Variants in AGAP1 observed in about 807,000 individuals in gnomAD.
The protein encoded by AGAP1 is arf-GAP with GTPase, ANK repeat and PH domain-containing protein 1.
In AGAP1, 29 loss-of-function variants were observed where a neutral mutation model predicts 105.3. The observed-to-expected ratio is 0.28, with a 90% confidence interval of 0.21 to 0.38. The LOEUF (loss-of-function observed/expected upper bound fraction) is 0.38, where lower values mean the gene tolerates loss of function less well. Among genes scored for constraint, AGAP1 ranks in the 10% least tolerant of loss-of-function variants. The pLI, the probability that AGAP1 is intolerant of heterozygous loss-of-function variation, is 1.00. For synonymous variants in AGAP1, 509 were observed against 485.9 expected (o/e 1.05, Z -0.63); for missense variants, 998 against 1,165.1 (o/e 0.86, Z 2.09).
chr2:235,853,160 A>G (rs2048550964), intron 9 of AGAP1: 3 of 1,133,172 alleles, frequency 2.6e-6, no homozygotes, highest in Non-Finnish European at 2.2e-6. Context: ...TGTTTTGGGT[A>G]CAAGCAGTGG....
intron 6 of AGAP1, among the ~76,000 whole-genome samples, chr2:235,764,439 C>G (rs372672198): frequency 6.6e-6 from 1 of 152,258 alleles, no homozygotes; most frequent in South Asian, 2.1e-4. Context: ...TCACGTAGAT[C>G]CATGTTTCCC....
chr2:235,943,971 A>G (rs751265874), intron 12 of AGAP1, among the ~76,000 whole-genome samples: 3 of 152,248 alleles, frequency 2.0e-5, no homozygotes, highest in Non-Finnish European at 4.4e-5. Context: ...ATACAATGAT[A>G]CTAAAAATTT....
rs10175162 is a variant in AGAP1, at chr2:235,930,237, G to T, written c.1325-528G>T. Among the ~76,000 whole-genome samples the T allele has an allele frequency of 0.013, 1,970 of 152,296 alleles. 53 individuals carry two copies. The highest frequency in any genetic ancestry group is 0.045 in the African/African-American group (1,881 of 41,566). On this transcript the variant is annotated intron_variant, in intron 11 of 17. Transcript: ENST00000304032. The surrounding 1 kb of genome is among the most constrained non-coding windows in gnomAD (Gnocchi z 7.9). ...AAGAGTAAACTTATCTGGTTGAAGA[G>T]CCTGCATTTCCTCCGTGTCGTGTCT...
In AGAP1 at chr2:235,741,561, G is replaced by T. The variant is rs1274491596; in HGVS notation, c.396+513G>T. 6.6e-6 allele frequency among the ~76,000 whole-genome samples: 1 copy of T among 152,142 alleles called. No homozygotes were observed. Among genetic ancestry groups the T allele is most frequent in the Non-Finnish European group, 1.5e-5 (1 of 68,022 alleles). On this transcript the variant is annotated intron_variant, in intron 4 of 17. Transcript: ENST00000304032. The surrounding 1 kb of genome is among the most constrained non-coding windows in gnomAD (Gnocchi z 4.9). The stretch of plus-strand genomic sequence containing the variant: ...CGAAAGCCGGTATGAAGCATATTAT[G>T]ATTTCTTTGGAAGTTCCTGGAAAGA...
Position 235,843,222 on chromosome 2 carries a change from G to GA in AGAP1, c.1050+35892dup, listed in dbSNP as rs34918207. Among the ~76,000 whole-genome samples the GA allele has an allele frequency of 0.47, 71,242 of 151,900 alleles. 19,211 individuals are homozygous for GA. The highest frequency in any genetic ancestry group is 0.8 in the East Asian group (4,118 of 5,130). ...AACCCATCACCAGCCCTCCTTCTTA[G>GA]AGAGTGGTCTTCGGGAGGACCTGAG... On this transcript the variant is annotated intron_variant, in intron 9 of 17. Coordinates refer to ENST00000304032, the MANE Select transcript of AGAP1 (RefSeq NM_001037131.3). The surrounding 1 kb of genome is among the most constrained non-coding windows in gnomAD (Gnocchi z 5.9).
At position 235,983,370 on chromosome 2, in the gene AGAP1, A is replaced by T. The variant is rs1402620244; in HGVS notation, c.1645+14747A>T. ...TCCTCTCCAGCACCAACCTCCCATC[A>T]CTTTCTACATTCTGGCCCCTTTTTC... On this transcript the variant is annotated intron_variant, in intron 13 of 17. Transcript: ENST00000304032. This position sits in a 1 kb window ranked among gnomAD's most constrained non-coding sequence, Gnocchi z 4.5. 6.6e-6 allele frequency among the ~76,000 whole-genome samples: 1 copy of T among 152,082 alleles called. No homozygotes were observed. Among genetic ancestry groups the T allele is most frequent in the African/African-American group, 2.4e-5 (1 of 41,426 alleles).
chr2:235,616,765 T>G (rs1946319619), intron 1 of AGAP1, among the ~76,000 whole-genome samples: 1 of 152,224 alleles, frequency 6.6e-6, no homozygotes, highest in Non-Finnish European at 1.5e-5. Flanking sequence ...CCTGAACAGA[T>G]TTAAAAACAA....
In AGAP1 at chr2:236,040,067, C is replaced by T. The variant is rs1249774782; in HGVS notation, c.1801-684C>T. 6.6e-6 allele frequency among the ~76,000 whole-genome samples: 1 copy of T among 152,020 alleles called. No individual in the cohort carries two copies. The highest frequency in any genetic ancestry group is 2.4e-5 in the African/African-American group (1 of 41,380). ...TCAAGGCTGCAGTGAGCTATGATCA[C>T]ACCACTGCACCCCAGCCTCAGCCAC... is the stretch of plus-strand genomic sequence containing the variant. On this transcript the variant is annotated intron_variant, in intron 14 of 17. Transcript: ENST00000304032. This position sits in a 1 kb window ranked among gnomAD's most constrained non-coding sequence, Gnocchi z 5.6.
At chr2:235,567,976 A>G (rs775449055) in intron 1 of AGAP1, among the ~76,000 whole-genome samples, 13 of 152,170 alleles carry the variant, frequency 8.5e-5, no homozygotes, top group Non-Finnish European at 1.8e-4. Flanking sequence ...TGGAGCCAGC[A>G]TCCTTGCTGG....
Position 235,609,648 on chromosome 2 carries a change from C to T in AGAP1, c.164-99531C>T, listed in dbSNP as rs991690635. The stretch of plus-strand genomic sequence containing the variant: ...TGCCTGTCTCAGTGCTCTGGGGTCC[C>T]GTGCTGAGGGAGCATCCTTATGGTA... On this transcript the variant is annotated intron_variant, in intron 1 of 17. Coordinates refer to ENST00000304032, the MANE Select transcript of AGAP1 (RefSeq NM_001037131.3). This position sits in a 1 kb window ranked among gnomAD's most constrained non-coding sequence, Gnocchi z 5.1. Among the ~76,000 whole-genome samples the T allele has an allele frequency of 6.6e-5, 10 of 152,182 alleles. No homozygotes were observed. In the South Asian group the frequency reaches 1.0e-3, roughly 16 times the overall value.
At chr2:235,540,116 C>T (rs560394075) in intron 1 of AGAP1, among the ~76,000 whole-genome samples, 6 of 149,958 alleles carry the variant, frequency 4.0e-5, no homozygotes, top group South Asian at 4.3e-4. Flanking sequence ...CCTCTCAATC[C>T]GTTTGTTTTT....
chr2:235,938,444 A>G (rs1217553673), intron 12 of AGAP1, among the ~76,000 whole-genome samples: 1 of 152,232 alleles, frequency 6.6e-6, no homozygotes, highest in Admixed American at 6.5e-5. Flanking sequence ...TGAGGCCATC[A>G]GATGTGTGGA....
At chr2:235,523,160 C>G (rs1942691097) in intron 1 of AGAP1, among the ~76,000 whole-genome samples, 2 of 152,180 alleles carry the variant, frequency 1.3e-5, no homozygotes, top group African/African-American at 4.8e-5. Context: ...TGGTCTCTTC[C>G]TCTTCCTGTA....
chr2:235,911,810 G>A (rs1045330856), intron 11 of AGAP1, among the ~76,000 whole-genome samples: 5 of 152,184 alleles, frequency 3.3e-5, no homozygotes, highest in Non-Finnish European at 5.9e-5. Context: ...GGACATCTCC[G>A]CAACCCTCAA....
rs968505570 is a variant in AGAP1 at position 235,908,441 on chromosome 2, C to T, written c.1156-297C>T. 6.6e-6 allele frequency among the ~76,000 whole-genome samples: 1 copy of T among 152,136 alleles called. No homozygotes were observed. Among genetic ancestry groups the T allele is most frequent in the African/African-American group, 2.4e-5 (1 of 41,450 alleles). On this transcript the variant is annotated intron_variant, in intron 10 of 17. Coordinates refer to ENST00000304032, the MANE Select transcript of AGAP1 (RefSeq NM_001037131.3). The surrounding 1 kb of genome is among the most constrained non-coding windows in gnomAD (Gnocchi z 4.4). ...TCTGATAAGCAAGAGTTCAAAAAAT[C>T]AGATTTTGTGTGTAGACTTACTTCC...
At chr2:235,703,539 C>A (rs1337556754) in intron 1 of AGAP1, among the ~76,000 whole-genome samples, 3 of 150,654 alleles carry the variant, frequency 2.0e-5, no homozygotes, top group African/African-American at 7.3e-5. Context: ...AAGAATTGCT[C>A]CCCTCTTCTC....
Position 235,705,519 on chromosome 2 carries a change from G to A in AGAP1, c.164-3660G>A, listed in dbSNP as rs573969914. Among the ~76,000 whole-genome samples the A allele has an allele frequency of 3.3e-5, 5 of 152,284 alleles. No homozygotes were observed. The highest frequency in any genetic ancestry group is 3.9e-4 in the East Asian group (2 of 5,180). ...CCTACTGAGTGATGAACAATTCCAC[G>A]CCAGCACAGTGTCCAGCCCACAGAT... On this transcript the variant is annotated intron_variant, in intron 1 of 17. Coordinates refer to ENST00000304032, the MANE Select transcript of AGAP1 (RefSeq NM_001037131.3). The surrounding 1 kb of genome is among the most constrained non-coding windows in gnomAD (Gnocchi z 4.9).
chr2:235,628,618 C>T (rs1268593000), intron 1 of AGAP1, among the ~76,000 whole-genome samples: 1 of 151,810 alleles, frequency 6.6e-6, no homozygotes, highest in Admixed American at 6.6e-5. Flanking sequence ...GAGCCATTGC[C>T]CACCTCTTTT....
chr2:235,864,915 C>A lies in AGAP1; in HGVS notation c.1051-18430C>A, dbSNP rs1017711715. 2.6e-5 allele frequency among the ~76,000 whole-genome samples: 4 copies of A among 152,136 alleles called. No individual in the cohort carries two copies. Among genetic ancestry groups the A allele is most frequent in the African/African-American group, 9.7e-5 (4 of 41,414 alleles). ...TTGGGACTTAATAATGCTAGCCAGA[C>A]CTAATGTGAACCATACATCTCGTCG... On this transcript the variant is annotated intron_variant, in intron 9 of 17. Coordinates refer to ENST00000304032, the MANE Select transcript of AGAP1 (RefSeq NM_001037131.3). The surrounding 1 kb of genome is among the most constrained non-coding windows in gnomAD (Gnocchi z 5.0).
Sources: allele counts gnomAD v4.1 joint callset (sites outside exome capture counted in the v4.1 genomes callset), GRCh38; gene constraint gnomAD v4.1.1; non-coding constraint Gnocchi (gnomAD v3.1); transcripts MANE v1.5; gene names NCBI Gene and HGNC (gene_info 2026-07-23, HGNC 2026-07-21).